Variants in SRRM3 observed in about 807,000 individuals in gnomAD.
SRRM3 encodes the protein serine/arginine repetitive matrix protein 3.
SRRM3 carries 27 observed loss-of-function variants against 66.2 expected under a neutral mutation model. The ratio of observed to expected loss-of-function variants is 0.41; its 90% CI spans 0.30 to 0.56. The LOEUF is 0.56. SRRM3 is among the 20% of genes least tolerant of loss of function. The pLI is 0.32. For synonymous variants in SRRM3, 391 were observed against 414.9 expected (o/e 0.94, Z 0.70); for missense variants, 918 against 991.9 (o/e 0.93, Z 1.00).
intron 12 of SRRM3, 93 bp from the exon 13 acceptor site, chr7:76,282,555 C>CA: frequency 1.6e-6 from 1 of 620,890 alleles, no homozygotes; most frequent in Non-Finnish European, 2.4e-6. Flanking sequence ...GACCCCGCCC[C>CA]TCCGCCCTAA....
chr7:76,259,671 C>G (rs1554608236), intron 3 of SRRM3, among the ~76,000 whole-genome samples: 3 of 151,798 alleles, frequency 2.0e-5, no homozygotes, highest in African/African-American at 7.3e-5. Context: ...TTATCTCCTT[C>G]TTTTTTGCAA....
intron 11 of SRRM3, among the ~76,000 whole-genome samples, chr7:76,278,084 C>T (rs1322580581): frequency 1.3e-5 from 2 of 152,104 alleles, no homozygotes; most frequent in Admixed American, 6.6e-5. Flanking sequence ...GGGCTGGGGG[C>T]GCTTGAAAGT....
At chr7:76,214,817 C>T (rs1318728663) in intron 1 of SRRM3, among the ~76,000 whole-genome samples, 1 of 151,916 alleles carries the variant, frequency 6.6e-6, no homozygotes, top group African/African-American at 2.4e-5. Context: ...TTATGTTGCC[C>T]AGGCTGGTCT....
intron 1 of SRRM3, among the ~76,000 whole-genome samples, chr7:76,223,821 C>G (rs1391454350): frequency 1.2e-4 from 1 of 8,476 alleles, no homozygotes; most frequent in Non-Finnish European, 2.0e-4. Flanking sequence ...TTGGCTTTTG[C>G]CTTCCCTTCC....
chr7:76,223,853 TTCCCTTCC>T (rs1800782824), intron 1 of SRRM3, among the ~76,000 whole-genome samples: 1 of 81,088 alleles, frequency 1.2e-5, no homozygotes, highest in Non-Finnish European at 2.2e-5. Context: ...TTCCCTTCCC[TTCCCTTCC>T]CTTCCCTTCC....
At chr7:76,283,420 T>A in intron 14 of SRRM3, 1 of 508,480 alleles carries the variant, frequency 2.0e-6, no homozygotes, top group Non-Finnish European at 3.7e-6. Context: ...GCAGCCGGCA[T>A]GGAATTCAGC....
At chr7:76,243,782 T>G (rs1396528544) in intron 2 of SRRM3, among the ~76,000 whole-genome samples, 2 of 152,148 alleles carry the variant, frequency 1.3e-5, no homozygotes, top group African/African-American at 4.8e-5. Flanking sequence ...GGCCTATAAA[T>G]TAGGGGCTAA....
At chr7:76,282,895 C>T in intron 13 of SRRM3, 23 bp downstream of exon 13, 1 of 1,320,862 alleles carries the variant, frequency 7.6e-7, no homozygotes, top group Non-Finnish European at 9.6e-7. Context: ...CCGGACCGGG[C>T]CGACGGGGCG....
chr7:76,264,876 C>A, intron 9 of SRRM3, 61 bp downstream of exon 9: 1 of 1,554,614 alleles, frequency 6.4e-7, no homozygotes, highest in Non-Finnish European at 8.8e-7. Context: ...CAGCAAACTA[C>A]GCCTTTTAGA....
intron 11 of SRRM3, among the ~76,000 whole-genome samples, chr7:76,276,343 G>A (rs73373453): frequency 0.071 from 10,811 of 152,160 alleles, 925 homozygotes; most frequent in African/African-American, 0.2. Context: ...GAGGACGGAC[G>A]AAGACCACTG....
At chr7:76,251,795 G>T (rs1801589019) in intron 3 of SRRM3, among the ~76,000 whole-genome samples, 1 of 152,094 alleles carries the variant, frequency 6.6e-6, no homozygotes, top group Non-Finnish European at 1.5e-5. Context: ...GGGAGCTGTG[G>T]TTCATACCTG....
intron 1 of SRRM3, among the ~76,000 whole-genome samples, chr7:76,210,897 G>A (rs1478839346): frequency 1.3e-5 from 2 of 152,102 alleles, no homozygotes; most frequent in African/African-American, 4.8e-5. Context: ...CTGCCTCCCA[G>A]GTTCAAGCGA....
rs1056666822 is a variant in SRRM3 at position 76,254,349 on chromosome 7, G to A, written c.336-5557G>A. On this transcript the variant is annotated intron_variant, in intron 3 of 14. Coordinates refer to ENST00000611745, the MANE Select transcript of SRRM3 (RefSeq NM_001110199.3). Reference sequence around the variant, plus strand: ...CTGGGCTGTTTTGAGATGGAGTTTCGCTCTTATTGCTCAGGCTGGAGTGCA... The same window carrying A: ...CTGGGCTGTTTTGAGATGGAGTTTCACTCTTATTGCTCAGGCTGGAGTGCA... Among the ~76,000 whole-genome samples, 6 of 152,002 alleles carry A rather than the reference G, an allele frequency of 3.9e-5. 1 individual carries two copies. Among genetic ancestry groups the A allele is most frequent in the South Asian group, 4.2e-4 (2 of 4,810 alleles).
At chr7:76,234,598 G>A (rs1298871662) in intron 1 of SRRM3, among the ~76,000 whole-genome samples, 1 of 152,164 alleles carries the variant, frequency 6.6e-6, no homozygotes, top group Non-Finnish European at 1.5e-5. Flanking sequence ...GACAGAGCCA[G>A]GATAGTGGGC....
At chr7:76,247,173 G>A (rs940210915) in intron 2 of SRRM3, among the ~76,000 whole-genome samples, 1 of 152,166 alleles carries the variant, frequency 6.6e-6, no homozygotes, top group Non-Finnish European at 1.5e-5. Context: ...AGTGGGAGCA[G>A]GGATAAGGAG....
Position 76,285,381 on chromosome 7 carries a change from G to A in SRRM3, c.1734-234G>A. The A allele has an allele frequency of 1.8e-6, 1 of 556,990 alleles. No individual in the cohort carries two copies. Among genetic ancestry groups the A allele is most frequent in the Non-Finnish European group, 3.2e-6 (1 of 312,344 alleles). 34.5% of individuals were successfully genotyped at this position (556,990 alleles called of 1,614,324 possible). On this transcript the variant is annotated intron_variant, in intron 14 of 14. Transcript: ENST00000611745. The surrounding 1 kb of genome is among the most constrained non-coding windows in gnomAD (Gnocchi z 4.1). ...GCCCAGCCTCAACAAGTATTTATTAGCAGGTGTTCGGATCGGGCAGAGACA... is the reference window on the plus strand; with the variant it reads ...GCCCAGCCTCAACAAGTATTTATTAACAGGTGTTCGGATCGGGCAGAGACA...
chr7:76,260,632 G>C (rs1554608539), intron 5 of SRRM3, among the ~76,000 whole-genome samples: 1 of 151,286 alleles, frequency 6.6e-6, no homozygotes, highest in Non-Finnish European at 1.5e-5. Flanking sequence ...ATCCCCCAGA[G>C]CCAGACTCAC....
At chr7:76,237,743 T>G (rs1801185223) in intron 2 of SRRM3, among the ~76,000 whole-genome samples, 1 of 152,118 alleles carries the variant, frequency 6.6e-6, no homozygotes. Context: ...CTCCACCTCC[T>G]TGATGAACCC....
Position 76,285,756 on chromosome 7 carries a change from T to G in SRRM3, c.1875T>G (p.His625Gln). ...ACGGGAGCTACAGCAGTCGCAGCCATGGGACCCGCAGCCGGACACGCAGCC... is the reference window on the plus strand; with the variant it reads ...ACGGGAGCTACAGCAGTCGCAGCCAGGGGACCCGCAGCCGGACACGCAGCC... Reference protein sequence around the residue: ...HSHGSYSSRSHGTRSRTRSPS... With the variant: ...HSHGSYSSRSQGTRSRTRSPS... Residue 625 changes from histidine to glutamine, a missense_variant, in exon 15 of 15, where the codon CAT becomes CAG. Coordinates refer to ENST00000611745, the MANE Select transcript of SRRM3 (RefSeq NM_001110199.3). The surrounding 1 kb of genome is among the most constrained non-coding windows in gnomAD (Gnocchi z 4.1). 1 of 1,550,794 alleles carries G rather than the reference T, an allele frequency of 6.4e-7. No individual in the cohort carries two copies. Among genetic ancestry groups the G allele is most frequent in the Admixed American group, 2.0e-5 (1 of 51,014 alleles).
Sources: gnomAD v4.1 joint callset for allele counts (sites outside exome capture counted in the v4.1 genomes callset) on GRCh38, gnomAD v4.1.1 for gene constraint, Gnocchi (gnomAD v3.1) non-coding constraint, MANE v1.5 for transcripts, NCBI Gene and HGNC (gene_info 2026-07-23, HGNC 2026-07-21) for gene names.